The following FER1L6 variants were observed in gnomAD, a reference collection of about 807,000 sequenced individuals.
FER1L6 encodes fer-1-like protein 6.
In FER1L6, 177 loss-of-function variants were observed where a neutral mutation model predicts 219.2. That is an observed-to-expected ratio of 0.81 (90% confidence interval 0.71 to 0.91). The LOEUF (loss-of-function observed/expected upper bound fraction) is 0.91. Ranked by LOEUF, FER1L6 falls within the 40% of genes least tolerant of loss-of-function variation. FER1L6 has a pLI of 0.00. For missense variants in FER1L6, 2,153 were observed against 2,259.9 expected (o/e 0.95, Z 0.96); for synonymous variants, 768 against 824.3 (o/e 0.93, Z 1.17).
intron 5 of FER1L6, among the ~76,000 whole-genome samples, chr8:123,966,534 C>T (rs887656437): frequency 3.3e-5 from 5 of 152,282 alleles, no homozygotes; most frequent in South Asian, 2.1e-4. Flanking sequence ...TTTCAACATA[C>T]GTTTTCTTAT....
intron 1 of FER1L6, among the ~76,000 whole-genome samples, chr8:123,930,855 C>T (rs1290952731): frequency 1.3e-5 from 2 of 152,172 alleles, no homozygotes; most frequent in Non-Finnish European, 2.9e-5. Flanking sequence ...CCTCTGATGA[C>T]TTGGGATGGA....
chr8:123,977,405 C>A lies in FER1L6; in HGVS notation c.871-12C>A. 1 of 1,609,774 alleles carries A rather than the reference C, an allele frequency of 6.2e-7. No homozygotes were observed. Among genetic ancestry groups the A allele is most frequent in the Non-Finnish European group, 8.5e-7 (1 of 1,177,422 alleles). On this transcript the variant is annotated splice_polypyrimidine_tract_variant and intron_variant, in intron 9 of 40. Coordinates refer to ENST00000522917, the MANE Select transcript of FER1L6 (RefSeq NM_001039112.2). ...CCTTCCATGACTCATGTCCTCCTGG[C>A]TGTGTTTTTAGGGGCGAACCACAGT...
In FER1L6 at chr8:123,852,456, C is replaced by T. The variant is rs1816527846; in HGVS notation, c.-8+271C>T. 6.9e-6 allele frequency among the ~76,000 whole-genome samples: 1 copy of T among 145,414 alleles called. No individual in the cohort carries two copies. Among genetic ancestry groups the T allele is most frequent in the Admixed American group, 7.0e-5 (1 of 14,354 alleles). Reference sequence around the variant, plus strand: ...CAGGTTGACCTTGTTGCTTGAACTCCATGTTGTGAGCATGCGTGTGTGTGT... The same window carrying T: ...CAGGTTGACCTTGTTGCTTGAACTCTATGTTGTGAGCATGCGTGTGTGTGT... On this transcript the variant is annotated intron_variant, in intron 1 of 40. Coordinates refer to ENST00000522917, the MANE Select transcript of FER1L6 (RefSeq NM_001039112.2). This position sits in a 1 kb window ranked among gnomAD's most constrained non-coding sequence, Gnocchi z 4.9.
intron 10 of FER1L6, 100 bp from the exon 11 acceptor site, chr8:123,980,365 T>G: frequency 1.0e-6 from 1 of 958,836 alleles, no homozygotes. Context: ...GTCAATATTT[T>G]CTTTCGTCTT....
intron 1 of FER1L6, among the ~76,000 whole-genome samples, chr8:123,880,315 G>A (rs1817086737): frequency 6.6e-6 from 1 of 152,136 alleles, no homozygotes; most frequent in Non-Finnish European, 1.5e-5. Context: ...CTCTTTTCAT[G>A]ACATTTAACT....
intron 32 of FER1L6, among the ~76,000 whole-genome samples, chr8:124,079,063 C>CT (rs1185889350): frequency 6.6e-6 from 1 of 152,150 alleles, no homozygotes; most frequent in African/African-American, 2.4e-5. Context: ...AGATGCATTG[C>CT]TACAATATCA....
At chr8:124,036,531 A>G (rs1819222181) in intron 19 of FER1L6, among the ~76,000 whole-genome samples, 1 of 152,184 alleles carries the variant, frequency 6.6e-6, no homozygotes, top group African/African-American at 2.4e-5. Context: ...CCAAGGACAC[A>G]TAGCTAGTAA....
intron 10 of FER1L6, among the ~76,000 whole-genome samples, chr8:123,978,143 C>T (rs1447443369): frequency 6.6e-6 from 1 of 152,176 alleles, no homozygotes; most frequent in East Asian, 1.9e-4. Context: ...CCCGGGTCTT[C>T]CACAAACACT....
At chr8:124,030,195 A>G (rs1354008520) in intron 18 of FER1L6, among the ~76,000 whole-genome samples, 1 of 152,204 alleles carries the variant, frequency 6.6e-6, no homozygotes, top group Non-Finnish European at 1.5e-5. Context: ...AAGCTTATGC[A>G]TCCAGAATGG....
rs145649340 is a variant in FER1L6, at chr8:124,048,338, G to T, written c.2725-1269G>T. The stretch of plus-strand genomic sequence containing the variant: ...CTCAGCCAGCATGCATTGAGTATCT[G>T]CCCTGTGCTAGGGGACACAGCAGTG... On this transcript the variant is annotated intron_variant, in intron 21 of 40. Transcript: ENST00000522917. 2.9e-3 allele frequency among the ~76,000 whole-genome samples: 446 copies of T among 152,338 alleles called. 2 individuals carry two copies. Among genetic ancestry groups the T allele is most frequent in the Non-Finnish European group, 4.8e-3 (324 of 68,026 alleles).
At chr8:124,001,814 C>G (rs1051559705) in intron 12 of FER1L6, among the ~76,000 whole-genome samples, 3 of 152,168 alleles carry the variant, frequency 2.0e-5, no homozygotes, top group African/African-American at 7.2e-5. Context: ...TTTTCATTCT[C>G]AAGACATTTG....
chr8:124,072,688 G>A (rs113076907), intron 31 of FER1L6, among the ~76,000 whole-genome samples: 8 of 152,328 alleles, frequency 5.3e-5, no homozygotes, highest in African/African-American at 1.7e-4. Flanking sequence ...TGCCAGGGAT[G>A]TTGTGATGAA....
chr8:123,913,510 G>A (rs915334559), intron 1 of FER1L6, among the ~76,000 whole-genome samples: 5 of 152,066 alleles, frequency 3.3e-5, no homozygotes, highest in African/African-American at 1.2e-4. Flanking sequence ...GCTTGGTCTG[G>A]CTGTCAGGTC....
intron 22 of FER1L6, among the ~76,000 whole-genome samples, chr8:124,057,579 TC>T (rs1820360604): frequency 6.6e-6 from 1 of 152,182 alleles, no homozygotes; most frequent in African/African-American, 2.4e-5. Flanking sequence ...TCCTCTTTTC[TC>T]TTCTCTCCCT....
chr8:124,042,191 A>G (rs1819532090), intron 20 of FER1L6, among the ~76,000 whole-genome samples: 1 of 152,258 alleles, frequency 6.6e-6, no homozygotes, highest in Admixed American at 6.5e-5. Flanking sequence ...ATCTCCATAC[A>G]GCATCTTCAT....
At chr8:123,923,337 A>G (rs1445759869) in intron 1 of FER1L6, among the ~76,000 whole-genome samples, 1 of 152,222 alleles carries the variant, frequency 6.6e-6, no homozygotes, top group African/African-American at 2.4e-5. Context: ...ATGAGATACA[A>G]TGCACGGCCA....
At position 124,013,452 on chromosome 8, in the gene FER1L6, A is replaced by G. The variant is rs1431134379; in HGVS notation, c.1843A>G (p.Arg615Gly). 1 of 1,608,820 alleles carries G rather than the reference A, an allele frequency of 6.2e-7. No homozygotes were observed. The highest frequency in any genetic ancestry group is 1.7e-5 in the Admixed American group (1 of 58,286). ...DFLEESIEEV[R>G]ELIKISQEAP... Reference sequence around the variant, plus strand: ...TCAGGAAGAAAGTATAGAAGAAGTGAGAGAATTGATCAAGATTTCACAGGA... The same window carrying G: ...TCAGGAAGAAAGTATAGAAGAAGTGGGAGAATTGATCAAGATTTCACAGGA... The change falls in exon 15 of 41, where the codon AGA becomes GGA. Residue 615 changes from arginine to glycine, a missense_variant. By Grantham distance (125) the Arg-to-Gly change is moderately radical. Transcript: ENST00000522917.
At chr8:123,862,851 C>G (rs1403487503) in intron 1 of FER1L6, among the ~76,000 whole-genome samples, 1 of 139,206 alleles carries the variant, frequency 7.2e-6, no homozygotes, top group East Asian at 2.0e-4. Context: ...TTTATTGTGT[C>G]TATTTGATTC....
Position 124,046,130 on chromosome 8 carries a change from A to G in FER1L6, c.2724+229A>G, listed in dbSNP as rs1430105147. On this transcript the variant is annotated intron_variant, in intron 21 of 40. Transcript: ENST00000522917. ...TTCACTGACTTCCATTTAAATGGCA[A>G]TTAAAATTGGATCTGGTTTACAGAA... 1.5e-5 allele frequency: 7 copies of G among 462,124 alleles called. No individual in the cohort carries two copies. In the East Asian group the frequency reaches 2.5e-4, roughly 16 times the overall value. 28.6% of individuals were successfully genotyped at this position (462,124 alleles called of 1,614,324 possible).
Sources: gnomAD v4.1 joint callset for allele counts (sites outside exome capture counted in the v4.1 genomes callset) on GRCh38, gnomAD v4.1.1 for gene constraint, Gnocchi (gnomAD v3.1) non-coding constraint, MANE v1.5 for transcripts, NCBI Gene and HGNC (gene_info 2026-07-23, HGNC 2026-07-21) for gene names.